The following USP48 variants were observed in gnomAD, a reference collection of about 807,000 sequenced individuals.
USP48 encodes the protein ubiquitin carboxyl-terminal hydrolase 48.
In USP48, 43 loss-of-function variants were observed where a neutral mutation model predicts 150.7. The ratio of observed to expected loss-of-function variants is 0.29; its 90% CI spans 0.22 to 0.37. The LOEUF (loss-of-function observed/expected upper bound fraction) is 0.37. Among genes scored for constraint, USP48 ranks in the 10% least tolerant of loss-of-function variants. USP48 has a pLI of 1.00. For synonymous variants in USP48, 396 were observed against 425.9 expected (o/e 0.93, Z 0.86); for missense variants, 813 against 1,249.6 (o/e 0.65, Z 5.27).
rs2097559659 is a variant in USP48 at position 21,679,530 on chromosome 1, G to GCATTTACCAAGAACAC, written c.3086-92_3086-91insGTGTTCTTGGTAAATG. 2.7e-6 allele frequency: 4 copies of GCATTTACCAAGAACAC among 1,506,774 alleles called. No individual in the cohort carries two copies. The Admixed American group carries it at 6.9e-5, about 26-fold the overall frequency. The allele number at this position is 1,506,774 out of a possible 1,614,324, so 93.3% of individuals were successfully genotyped here. Reference sequence around the variant, plus strand: ...TTACCAAGAACACATCATCAACAGGGAGCATCAAATTTAATAAATGAACAC... The same window carrying GCATTTACCAAGAACAC: ...TTACCAAGAACACATCATCAACAGGGCATTTACCAAGAACACAGCATCAAATTTAATAAATGAACAC... On this transcript the variant is annotated intron_variant, in intron 26 of 26. Transcript: ENST00000308271.
At position 21,751,533 on chromosome 1, in the gene USP48, T is replaced by C; in HGVS notation, c.748A>G (p.Thr250Ala). ...TTCAAAAATTCCGAGATACAATCTG[T>C]TAACTGTTTGTGGCCTTGGATATTT... ...ELNIQGHKQL[T>A]DCISEFLKEE... The change falls in exon 6 of 27, where the codon ACA becomes GCA. Residue 250 changes from threonine to alanine, a missense_variant. Thr to Ala is a moderately conservative substitution (Grantham distance 58, BLOSUM62 0). Transcript: ENST00000308271. The C allele has an allele frequency of 6.2e-7, 1 of 1,613,916 alleles. No homozygotes were observed. Among genetic ancestry groups the C allele is most frequent in the East Asian group, 2.2e-5 (1 of 44,836 alleles).
intron 10 of USP48, 122 bp downstream of exon 10, chr1:21,729,582 C>T: frequency 5.8e-6 from 7 of 1,211,400 alleles, no homozygotes; most frequent in East Asian, 2.5e-5. Flanking sequence ...TTACTTTCAC[C>T]AACATTCACC....
chr1:21,687,280 G>A (rs916032434), intron 24 of USP48, 41 bp from the exon 25 acceptor site: 2 of 1,587,164 alleles, frequency 1.3e-6, no homozygotes, highest in Non-Finnish European at 8.6e-7. Context: ...ACAAGGGAGA[G>A]GGAGTCTGAA....
intron 1 of USP48, chr1:21,781,943 T>C (rs572224798): frequency 2.0e-5 from 3 of 152,184 alleles, no homozygotes; most frequent in East Asian, 3.8e-4. Flanking sequence ...CCCTAACTTA[T>C]TTCACTTCTC....
At chr1:21,707,207 A>G (rs2097675141) in intron 15 of USP48, among the ~76,000 whole-genome samples, 1 of 152,160 alleles carries the variant, frequency 6.6e-6, no homozygotes, top group Non-Finnish European at 1.5e-5. Flanking sequence ...GGATTCCAGG[A>G]GTCCTGGGAC....
chr1:21,695,214 C>A lies in USP48; in HGVS notation c.2735G>T (p.Gly912Val). 1 of 1,610,242 alleles carries A rather than the reference C, an allele frequency of 6.2e-7. No homozygotes were observed. The highest frequency in any genetic ancestry group is 8.5e-7 in the Non-Finnish European group (1 of 1,178,768). The part of the protein sequence containing the change: ...EKDPDFNQSN[G>V]GTKRQKISHQ... ...GGATATCTTTTGCCGCTTTGTTCCA[C>A]CATTGCTCTATAATGAAGATTGGAA... Residue 912 changes from glycine (G) to valine (V), a missense_variant, in exon 23 of 27, where the codon GGT becomes GTT. Gly to Val is a moderately radical substitution (Grantham distance 109, BLOSUM62 -3). Coordinates refer to ENST00000308271, the MANE Select transcript of USP48 (RefSeq NM_032236.8).
intron 25 of USP48, among the ~76,000 whole-genome samples, chr1:21,681,890 GAC>G (rs1278718867): frequency 6.6e-6 from 1 of 152,152 alleles, no homozygotes; most frequent in African/African-American, 2.4e-5. Context: ...ACCTCTTGAA[GAC>G]AGTCATCATC....
At chr1:21,763,364 G>C (rs1354149195) in intron 1 of USP48, among the ~76,000 whole-genome samples, 1 of 152,172 alleles carries the variant, frequency 6.6e-6, no homozygotes, top group African/African-American at 2.4e-5. Flanking sequence ...CACACTTCAG[G>C]TGGGAACCAA....
At chr1:21,746,059 C>T (rs1319847705) in intron 8 of USP48, among the ~76,000 whole-genome samples, 6 of 152,184 alleles carry the variant, frequency 3.9e-5, no homozygotes, top group South Asian at 4.1e-4. Flanking sequence ...AATCATGTCT[C>T]TTAAAGGTTT....
rs2097558708 is a variant in USP48 at position 21,679,183 on chromosome 1, C to A, written c.*234G>T. 2.4e-5 allele frequency: 10 copies of A among 408,434 alleles called. No individual in the cohort carries two copies. The highest frequency in any genetic ancestry group is 5.6e-5 in the East Asian group (1 of 17,840). The allele number at this position is 408,434 out of a possible 1,614,324, so 25.3% of individuals were successfully genotyped here. ...GTCTTTACTTGCCCCCTCCCACCCA[C>A]CACCCCCCTTAAATATAAAATTGGA... On this transcript the variant is annotated 3_prime_UTR_variant, in exon 27 of 27. Coordinates refer to ENST00000308271, the MANE Select transcript of USP48 (RefSeq NM_032236.8).
chr1:21,687,737 A>G (rs974281784), intron 24 of USP48, among the ~76,000 whole-genome samples: 2 of 152,246 alleles, frequency 1.3e-5, no homozygotes, highest in Non-Finnish European at 2.9e-5. Flanking sequence ...TGATAAGGTT[A>G]GCTGCAAGGA....
chr1:21,723,544 T>C (rs1571863876), intron 12 of USP48, among the ~76,000 whole-genome samples: 1 of 148,336 alleles, frequency 6.7e-6, no homozygotes, highest in Non-Finnish European at 1.5e-5. Context: ...CACCATAACA[T>C]GGAGGCACAA....
chr1:21,781,683 G>A (rs911966788), intron 1 of USP48, among the ~76,000 whole-genome samples: 4 of 152,312 alleles, frequency 2.6e-5, no homozygotes, highest in East Asian at 3.9e-4. Flanking sequence ...GCAGTGAGCC[G>A]AGCTCGTGAC....
intron 1 of USP48, among the ~76,000 whole-genome samples, chr1:21,760,686 A>T (rs2097847800): frequency 6.6e-6 from 1 of 152,294 alleles, no homozygotes; most frequent in Middle Eastern, 3.4e-3. Context: ...ACTGCACTCC[A>T]GCCTGGGCAA....
At chr1:21,756,332 C>T (rs1266998444) in intron 3 of USP48, among the ~76,000 whole-genome samples, 23 of 149,220 alleles carry the variant, frequency 1.5e-4, no homozygotes, top group Admixed American at 1.5e-3. Flanking sequence ...AATACAAAAA[C>T]TAGCCAGGCG....
intron 1 of USP48, among the ~76,000 whole-genome samples, chr1:21,782,360 GGTATC>G (rs1177566789): frequency 6.6e-6 from 1 of 151,822 alleles, no homozygotes; most frequent in Non-Finnish European, 1.5e-5. Flanking sequence ...GGGGGTGCAG[GGTATC>G]GATGACGTAG....
chr1:21,767,102 A>T (rs1313790327), intron 1 of USP48, among the ~76,000 whole-genome samples: 1 of 151,984 alleles, frequency 6.6e-6, no homozygotes, highest in African/African-American at 2.4e-5. Context: ...AACAAAATCC[A>T]TGGCCTCCTG....
At chr1:21,764,362 C>T (rs1299651974) in intron 1 of USP48, among the ~76,000 whole-genome samples, 2 of 151,792 alleles carry the variant, frequency 1.3e-5, no homozygotes, top group East Asian at 3.9e-4. Context: ...TTGCTTGAAC[C>T]CGGGAGGCAG....
intron 16 of USP48, 34 bp from the exon 17 acceptor site, chr1:21,706,623 C>T: frequency 6.2e-7 from 1 of 1,613,920 alleles, no homozygotes; most frequent in Non-Finnish European, 8.5e-7. Context: ...CTGTCTCCTG[C>T]TGACAGCACA....
Sources: allele counts gnomAD v4.1 joint callset (sites outside exome capture counted in the v4.1 genomes callset), GRCh38; gene constraint gnomAD v4.1.1; transcripts MANE v1.5; gene names NCBI Gene and HGNC (gene_info 2026-07-23, HGNC 2026-07-21).